PSTPIP2: variants seen among roughly 807,000 people sequenced by gnomAD.
PSTPIP2 encodes proline-serine-threonine phosphatase-interacting protein 2.
A neutral mutation model predicts 63.3 loss-of-function variants in PSTPIP2; 33 were observed. The observed-to-expected ratio is 0.52, with a 90% CI of 0.40 to 0.70. The LOEUF is 0.70. Among genes scored for constraint, PSTPIP2 ranks in the 30% least tolerant of loss-of-function variants. PSTPIP2 has a pLI of 0.00. For missense variants in PSTPIP2, 312 were observed against 400.7 expected (o/e 0.78, Z 1.89); for synonymous variants, 125 against 132.7 (o/e 0.94, Z 0.40).
intron 14 of PSTPIP2, among the ~76,000 whole-genome samples, chr18:45,987,909 T>C (rs993302334): frequency 6.6e-6 from 1 of 152,232 alleles, no homozygotes; most frequent in South Asian, 2.1e-4. Flanking sequence ...ATCCTCATGG[T>C]TTGCTTATTC....
At chr18:46,043,206 C>T (rs576857809) in intron 1 of PSTPIP2, among the ~76,000 whole-genome samples, 14 of 135,398 alleles carry the variant, frequency 1.0e-4, no homozygotes, top group Admixed American at 3.3e-4. Context: ...GGCAACATAG[C>T]GAAACCTCAC....
At chr18:46,044,266 A>T (rs2144115598) in intron 1 of PSTPIP2, among the ~76,000 whole-genome samples, 1 of 152,364 alleles carries the variant, frequency 6.6e-6, no homozygotes, top group South Asian at 2.1e-4. Context: ...ACTATACTAC[A>T]AGGCTACAGT....
chr18:46,015,450 G>A (rs755260435), intron 4 of PSTPIP2, among the ~76,000 whole-genome samples: 5 of 152,136 alleles, frequency 3.3e-5, no homozygotes, highest in Non-Finnish European at 7.4e-5. Context: ...AGGAGCACTT[G>A]GATGACAGTG....
At chr18:46,066,720 A>G (rs114325396) in intron 1 of PSTPIP2, among the ~76,000 whole-genome samples, 3,508 of 152,286 alleles carry the variant, frequency 0.023, 124 homozygotes, top group African/African-American at 0.08. Flanking sequence ...CAGTCACAGC[A>G]GAACAGTTTC....
At chr18:45,992,058 C>T (rs368472351) in intron 11 of PSTPIP2, 48 bp downstream of exon 11, 80 of 1,594,820 alleles carry the variant, frequency 5.0e-5, no homozygotes, top group Admixed American at 1.9e-4. Flanking sequence ...ACAAGAAAGG[C>T]TAATAGAATT....
intron 13 of PSTPIP2, 117 bp downstream of exon 13, chr18:45,990,605 T>C: frequency 1.2e-6 from 1 of 840,206 alleles, no homozygotes; most frequent in Non-Finnish European, 1.8e-6. Flanking sequence ...AATTTTTGTA[T>C]TTTTAGTGGA....
At chr18:45,985,721 T>C (rs895341172) in intron 14 of PSTPIP2, among the ~76,000 whole-genome samples, 1 of 152,186 alleles carries the variant, frequency 6.6e-6, no homozygotes, top group African/African-American at 2.4e-5. Context: ...ACAACAGGAA[T>C]AGCAGCTAAA....
In PSTPIP2 at chr18:45,985,404, T is replaced by C; in HGVS notation, c.*55A>G. 6.2e-7 allele frequency: 1 copy of C among 1,611,978 alleles called. No homozygotes were observed. Among genetic ancestry groups the C allele is most frequent in the Non-Finnish European group, 8.5e-7 (1 of 1,178,808 alleles). On this transcript the variant is annotated 3_prime_UTR_variant, in exon 15 of 15. Coordinates refer to ENST00000409746, the MANE Select transcript of PSTPIP2 (RefSeq NM_024430.4). ...TGGCTATAGGTCCTGCTGCTCTGGG[T>C]GCCCTTTCCATATCACAGAAGCACT...
At chr18:46,036,616 C>T (rs1480331722) in intron 2 of PSTPIP2, among the ~76,000 whole-genome samples, 1 of 152,214 alleles carries the variant, frequency 6.6e-6, no homozygotes, top group African/African-American at 2.4e-5. Context: ...CACGGAGCGG[C>T]TCCTTGCACT....
chr18:46,029,091 T>C, intron 2 of PSTPIP2: 1 of 812,414 alleles, frequency 1.2e-6, no homozygotes, highest in Non-Finnish European at 2.2e-6. Flanking sequence ...TTTGGAAAGG[T>C]TTCCAAACTG....
rs556800250 is a variant in PSTPIP2, at chr18:46,072,201, G to T, written c.-13C>A. 7 of 1,535,082 alleles carry T rather than the reference G, an allele frequency of 4.6e-6. No homozygotes were observed. The highest frequency in any genetic ancestry group is 4.0e-5 in the Admixed American group (2 of 49,442). On this transcript the variant is annotated 5_prime_UTR_variant, in exon 1 of 15. Coordinates refer to ENST00000409746, the MANE Select transcript of PSTPIP2 (RefSeq NM_024430.4). ...GTGAGCGCGTCATCGCAGCGCGAGTGGGGGCGCGGAGGAGAGCCGGGCCGC... is the reference window on the plus strand; with the variant it reads ...GTGAGCGCGTCATCGCAGCGCGAGTTGGGGCGCGGAGGAGAGCCGGGCCGC...
intron 2 of PSTPIP2, chr18:46,029,552 T>C (rs374093665): frequency 1.3e-6 from 1 of 794,974 alleles, no homozygotes; most frequent in East Asian, 2.4e-5. Context: ...GCAGTAAATA[T>C]AAATAATCAA....
chr18:45,998,704 G>T, intron 8 of PSTPIP2, 90 bp downstream of exon 8: 2 of 1,296,632 alleles, frequency 1.5e-6, no homozygotes, highest in Non-Finnish European at 2.2e-6. Flanking sequence ...TCTCTTTAAG[G>T]TATATAAAAC....
chr18:46,035,905 G>C lies in PSTPIP2; in HGVS notation c.134+4042C>G, dbSNP rs61103724. Among the ~76,000 whole-genome samples, 889 of 152,252 alleles carry C rather than the reference G, an allele frequency of 5.8e-3. 8 individuals carry two copies. The highest frequency in any genetic ancestry group is 0.02 in the African/African-American group (823 of 41,546). On this transcript the variant is annotated intron_variant, in intron 2 of 14. Transcript: ENST00000409746. The stretch of plus-strand genomic sequence containing the variant: ...CAGCCAACATAAGTGCCAAAGGGAT[G>C]TGTAAGCCTCAATGTTGTTGTTATA...
intron 1 of PSTPIP2, among the ~76,000 whole-genome samples, chr18:46,069,821 T>G (rs997934361): frequency 1.3e-5 from 2 of 152,116 alleles, no homozygotes; most frequent in Admixed American, 1.3e-4. Flanking sequence ...TATTTCTCTG[T>G]CCCCTTTCTC....
chr18:46,018,855 G>A (rs1034727948), intron 3 of PSTPIP2, among the ~76,000 whole-genome samples: 1 of 152,094 alleles, frequency 6.6e-6, no homozygotes, highest in African/African-American at 2.4e-5. Context: ...GCATAGCCAC[G>A]TATTTATTTT....
At chr18:46,028,447 G>T (rs1907671522) in intron 2 of PSTPIP2, 2 of 580,178 alleles carry the variant, frequency 3.4e-6, no homozygotes. Context: ...CCCGACGCTG[G>T]AGAAGACAAA....
At chr18:46,024,828 C>T (rs1386811677) in intron 2 of PSTPIP2, 142 bp from the exon 3 acceptor site, 1 of 659,708 alleles carries the variant, frequency 1.5e-6, no homozygotes, top group Non-Finnish European at 2.7e-6. Context: ...ATGCAAGACT[C>T]CCTCTGTATG....
intron 9 of PSTPIP2, 57 bp from the exon 10 acceptor site, chr18:45,993,760 G>C (rs1318992499): frequency 6.8e-7 from 1 of 1,476,118 alleles, no homozygotes; most frequent in Non-Finnish European, 9.4e-7. Flanking sequence ...CATTCATTTT[G>C]GCTAGCTGTG....
Sources: gnomAD v4.1 joint callset for allele counts (sites outside exome capture counted in the v4.1 genomes callset) on GRCh38, gnomAD v4.1.1 for gene constraint, MANE v1.5 for transcripts, NCBI Gene and HGNC (gene_info 2026-07-23, HGNC 2026-07-21) for gene names.